Variants in ASB4 observed in about 807,000 individuals in gnomAD.
ASB4 encodes the protein ankyrin repeat and SOCS box containing 4.
Under a neutral mutation model 38.6 loss-of-function variants are expected in ASB4, and 35 were observed. The ratio of observed to expected loss-of-function variants is 0.91; its 90% CI spans 0.69 to 1.20. The LOEUF (loss-of-function observed/expected upper bound fraction) is 1.20, where lower values mean the gene tolerates loss of function less well. ASB4 is among the 50% of genes most tolerant of loss of function. ASB4 has a pLI of 0.00. For missense variants in ASB4, 557 were observed against 527.2 expected (o/e 1.06, Z -0.55); for synonymous variants, 195 against 201.3 (o/e 0.97, Z 0.26).
upstream of ASB4, among the ~76,000 whole-genome samples, chr7:95,484,146 G>A (rs1790052447): frequency 1.3e-5 from 2 of 151,800 alleles, no homozygotes; most frequent in African/African-American, 2.4e-5. Flanking sequence ...GGGGGAACAT[G>A]GCAAAACCCT....
chr7:95,478,025 GCAATTGGTAAACAA>G (rs1789992972), upstream of ASB4, among the ~76,000 whole-genome samples: 1 of 152,004 alleles, frequency 6.6e-6, no homozygotes, highest in Admixed American at 6.6e-5. Flanking sequence ...ATGAATCTTT[GCAATTGGTAAACAA>G]CTTATTGGCT....
intron 3 of ASB4, among the ~76,000 whole-genome samples, chr7:95,534,073 G>A (rs184155673): frequency 0.023 from 2,837 of 124,806 alleles, 81 homozygotes; most frequent in African/African-American, 0.076. Context: ...GGCTGGGCGC[G>A]GTGGCTTACA....
chr7:95,515,201 C>CTT (rs1184279238), intron 2 of ASB4, among the ~76,000 whole-genome samples: 7 of 128,374 alleles, frequency 5.5e-5, no homozygotes, highest in South Asian at 5.0e-4. Context: ...TTCTTTCTTT[C>CTT]TTTCTTTCTT....
At position 95,496,052 on chromosome 7, in the gene ASB4, G is replaced by A; in HGVS notation, c.482G>A (p.Trp161Ter). 1.2e-6 allele frequency: 2 copies of A among 1,611,382 alleles called. No individual in the cohort carries two copies. The highest frequency in any genetic ancestry group is 8.5e-7 in the Non-Finnish European group (1 of 1,178,030). ...SSILCAKQLV[W>*]RGANVNMKTN... ...ATTCTCTGTGCCAAGCAATTGGTTT[G>A]GAGAGGTAAGCCTTTCTGGGTGGCC... The change falls in exon 2 of 5, where the codon TGG becomes TAG. Residue 161 changes from tryptophan to a stop codon, truncating the protein, a stop_gained. Coordinates refer to ENST00000325885, the MANE Select transcript of ASB4 (RefSeq NM_016116.3). LOFTEE classifies it high-confidence loss of function.
downstream of ASB4, among the ~76,000 whole-genome samples, chr7:95,544,764 G>A (rs990341916): frequency 2.0e-5 from 3 of 151,894 alleles, no homozygotes; most frequent in Non-Finnish European, 4.4e-5. Context: ...GCACAATCTC[G>A]GCTCACTGCA....
Position 95,486,121 on chromosome 7 carries a change from C to A in ASB4, c.150C>A (p.Val50=). The A allele has an allele frequency of 6.2e-7, 1 of 1,613,360 alleles. No individual in the cohort carries two copies. The highest frequency in any genetic ancestry group is 1.1e-5 in the South Asian group (1 of 90,990). Residue 50 remains valine, a synonymous_variant, in exon 1 of 5, where the codon GTC becomes GTA. Transcript: ENST00000325885. ...RQIDVDTVFE[V]EDENMVLASY... is the part of the protein sequence containing the mutation. Reference sequence around the variant, plus strand: ...TAGATGTGGACACTGTTTTTGAAGTCGAAGATGAGAATATGGTTTTGGCAT... The same window carrying A: ...TAGATGTGGACACTGTTTTTGAAGTAGAAGATGAGAATATGGTTTTGGCAT...
upstream of ASB4, among the ~76,000 whole-genome samples, chr7:95,475,187 T>G (rs998410566): frequency 6.6e-6 from 1 of 152,106 alleles, no homozygotes; most frequent in Non-Finnish European, 1.5e-5. Context: ...ACCGAAAAAT[T>G]TGAGAAGTGC....
chr7:95,506,903 C>A (rs147334719), intron 2 of ASB4, among the ~76,000 whole-genome samples: 1 of 152,038 alleles, frequency 6.6e-6, no homozygotes, highest in African/African-American at 2.4e-5. Flanking sequence ...TATCGAACCT[C>A]CCTGGACTGT....
chr7:95,515,236 T>C lies in ASB4; in HGVS notation c.488-12577T>C, dbSNP rs1409899294. Among the ~76,000 whole-genome samples the C allele has an allele frequency of 4.9e-3, 405 of 83,362 alleles. 5 individuals carry two copies. The highest frequency in any genetic ancestry group is 0.02 in the African/African-American group (369 of 18,546). 54.7% of individuals were successfully genotyped at this position (83,362 alleles called of 152,430 possible). A position where few individuals can be genotyped will look rare whatever the true frequency, so the allele number is the denominator to read the frequency against. On this transcript the variant is annotated intron_variant, in intron 2 of 4. Transcript: ENST00000325885. ...TTCTTTCTTTCTTTCTTTCTTTTTCTTTCTTTCTTTCTTTCCTTCTTTCTT... is the reference window on the plus strand; with the variant it reads ...TTCTTTCTTTCTTTCTTTCTTTTTCCTTCTTTCTTTCTTTCCTTCTTTCTT...
chr7:95,549,841 A>G, the ASB4 span, among the ~76,000 whole-genome samples: 1 of 152,084 alleles, frequency 6.6e-6, no homozygotes, highest in Non-Finnish European at 1.5e-5. Context: ...AAGCTGACTA[A>G]TCCTTCCTTC....
chr7:95,529,858 A>G (rs1481807325), intron 3 of ASB4, among the ~76,000 whole-genome samples: 2 of 152,104 alleles, frequency 1.3e-5, no homozygotes, highest in African/African-American at 4.8e-5. Context: ...GACTAAGCTA[A>G]AGCTAATAGT....
rs548771881 is a variant in ASB4 at position 95,538,828 on chromosome 7, C to T, written c.*1069C>T. On this transcript the variant is annotated 3_prime_UTR_variant, in exon 5 of 5. Transcript: ENST00000325885. Reference sequence around the variant, plus strand: ...TGTGAGGGGACCTAGTTGATTACTTCGGTCTTTTTATGTAGCAGACTGACA... The same window carrying T: ...TGTGAGGGGACCTAGTTGATTACTTTGGTCTTTTTATGTAGCAGACTGACA... 5 of 152,192 alleles carry T rather than the reference C, an allele frequency of 3.3e-5. No homozygotes were observed. The highest frequency in any genetic ancestry group is 4.4e-5 in the Non-Finnish European group (3 of 68,012). The allele number at this position is 152,192 out of a possible 1,614,324, so 9.4% of individuals were successfully genotyped here.
At chr7:95,543,691 A>G (rs934820530), downstream of ASB4, 1 of 152,182 alleles carries the variant, frequency 6.6e-6, no homozygotes, top group Admixed American at 6.5e-5. Flanking sequence ...TACACTGAGT[A>G]TTCACCACTG....
At chr7:95,481,683 G>T (rs914480965), upstream of ASB4, among the ~76,000 whole-genome samples, 1 of 152,156 alleles carries the variant, frequency 6.6e-6, no homozygotes, top group Non-Finnish European at 1.5e-5. Context: ...ATTCCAAGTA[G>T]ACAGATTATG....
downstream of ASB4, among the ~76,000 whole-genome samples, chr7:95,545,149 T>C (rs919837957): frequency 2.0e-5 from 3 of 152,188 alleles, no homozygotes; most frequent in Non-Finnish European, 4.4e-5. Context: ...TCATTGCTCC[T>C]GGCAGTTTGG....
At chr7:95,514,608 G>A (rs1295050423) in intron 2 of ASB4, among the ~76,000 whole-genome samples, 1 of 152,094 alleles carries the variant, frequency 6.6e-6, no homozygotes, top group Non-Finnish European at 1.5e-5. Flanking sequence ...TGACAGGCAT[G>A]CAACCTATCA....
chr7:95,497,252 G>A (rs986925918), intron 2 of ASB4, among the ~76,000 whole-genome samples: 10 of 152,244 alleles, frequency 6.6e-5, no homozygotes, highest in Non-Finnish European at 7.3e-5. Context: ...AAGAATGGAA[G>A]CAGGGAGACC....
At chr7:95,494,791 C>T (rs750090665) in intron 1 of ASB4, among the ~76,000 whole-genome samples, 2 of 151,782 alleles carry the variant, frequency 1.3e-5, no homozygotes, top group East Asian at 1.9e-4. Flanking sequence ...ACCAGCTCAG[C>T]GTATAGAAGT....
At chr7:95,506,204 T>C (rs1790406016) in intron 2 of ASB4, among the ~76,000 whole-genome samples, 1 of 152,234 alleles carries the variant, frequency 6.6e-6, no homozygotes, top group African/African-American at 2.4e-5. Context: ...GGTCAGACAA[T>C]AGTTTTAATC....
Sources: gnomAD v4.1 joint callset for allele counts (sites outside exome capture counted in the v4.1 genomes callset) on GRCh38, gnomAD v4.1.1 for gene constraint, MANE v1.5 for transcripts, NCBI Gene and HGNC (gene_info 2026-07-23, HGNC 2026-07-21) for gene names.